GSTCD: variants seen among roughly 807,000 people sequenced by gnomAD.
GSTCD encodes the protein glutathione S-transferase C-terminal domain containing, also known as glutathione S-transferase C-terminal domain-containing protein.
A neutral mutation model predicts 68.3 loss-of-function variants in GSTCD; 44 were observed. The ratio of observed to expected loss-of-function variants is 0.64; its 90% CI spans 0.51 to 0.83. The LOEUF is 0.83. Among genes scored for constraint, GSTCD ranks in the 40% least tolerant of loss-of-function variants. The probability of loss-of-function intolerance (pLI) is 0.00; values close to 1 mark genes in which losing one functional copy is unlikely to be tolerated. For missense variants in GSTCD, 739 were observed against 735.9 expected, an observed-to-expected ratio of 1.00 and a Z score of -0.05; for synonymous variants, 273 against 255.2, an observed-to-expected ratio of 1.07 and a Z score of -0.67.
chr4:105,732,886 T>G (rs907434946), intron 5 of GSTCD, among the ~76,000 whole-genome samples: 16 of 152,216 alleles, frequency 1.1e-4, no homozygotes, highest in Non-Finnish European at 2.1e-4. Flanking sequence ...TTCTGTTATG[T>G]TGTGTCTTTG....
chr4:105,721,056 C>T (rs1373441038), intron 3 of GSTCD, among the ~76,000 whole-genome samples: 1 of 151,836 alleles, frequency 6.6e-6, no homozygotes, highest in Non-Finnish European at 1.5e-5. Context: ...ACTGCAACCT[C>T]CGCTTCCTGG....
intron 5 of GSTCD, among the ~76,000 whole-genome samples, chr4:105,796,429 C>T (rs1271605210): frequency 1.3e-5 from 2 of 152,146 alleles, no homozygotes; most frequent in Non-Finnish European, 2.9e-5. Context: ...TGTTGATATT[C>T]ACTCTTATTT....
Position 105,717,995 on chromosome 4 carries a change from G to C in GSTCD, c.382G>C (p.Glu128Gln). The change falls in exon 2 of 12, where the codon GAA (glutamate) becomes CAA (glutamine). Residue 128 changes from glutamate (E) to glutamine (Q), a missense_variant. Glu to Gln is a conservative substitution (Grantham distance 29, BLOSUM62 2). Transcript: ENST00000515279. Reference protein sequence around the residue: ...EADPLKKELLELLGFKKTCLK... With the variant: ...EADPLKKELLQLLGFKKTCLK... Reference sequence around the variant, plus strand: ...AGACCCCTTAAAGAAGGAACTTTTGGAACTTCTGGGCTTTAAAAAGACTTG... The same window carrying C: ...AGACCCCTTAAAGAAGGAACTTTTGCAACTTCTGGGCTTTAAAAAGACTTG... The C allele has an allele frequency of 6.2e-7, 1 of 1,612,552 alleles. No individual in the cohort carries two copies. Among genetic ancestry groups the C allele is most frequent in the Non-Finnish European group, 8.5e-7 (1 of 1,179,474 alleles).
At chr4:105,797,178 GTAGT>G (rs950992471) in intron 5 of GSTCD, among the ~76,000 whole-genome samples, 22 of 151,804 alleles carry the variant, frequency 1.4e-4, no homozygotes, top group African/African-American at 5.1e-4. Context: ...ATCATGTTAG[GTAGT>G]TAGTTAATTT....
Position 105,723,628 on chromosome 4 carries a change from C to T in GSTCD, c.895-2951C>T, listed in dbSNP as rs111384771. 3.3e-3 allele frequency among the ~76,000 whole-genome samples: 496 copies of T among 151,636 alleles called. 2 individuals are homozygous for T. Among genetic ancestry groups the T allele is most frequent in the African/African-American group, 0.011 (452 of 41,416 alleles). ...TGGGTTTCTGATACAGGTCTTGGAA[C>T]CAATCCTCCATGGATACTGAGGGAC... On this transcript the variant is annotated intron_variant, in intron 3 of 11. Transcript: ENST00000515279.
intron 10 of GSTCD, chr4:105,840,082 C>A: frequency 2.6e-6 from 1 of 380,980 alleles, no homozygotes; most frequent in Non-Finnish European, 5.3e-6. Context: ...TGAGTACCTA[C>A]CATGTGCCTT....
At chr4:105,802,956 G>A (rs1438470385) in intron 5 of GSTCD, among the ~76,000 whole-genome samples, 1 of 152,098 alleles carries the variant, frequency 6.6e-6, no homozygotes, top group Non-Finnish European at 1.5e-5. Flanking sequence ...GTGAGTAGAT[G>A]TGAAGGATAA....
intron 5 of GSTCD, among the ~76,000 whole-genome samples, chr4:105,738,244 T>A (rs1159955595): frequency 6.6e-6 from 1 of 152,242 alleles, no homozygotes; most frequent in South Asian, 2.1e-4. Flanking sequence ...TTCCTTGGTC[T>A]ATGTGTCTGT....
intron 4 of GSTCD, among the ~76,000 whole-genome samples, chr4:105,727,107 A>G (rs1308884845): frequency 3.2e-5 from 3 of 92,792 alleles, no homozygotes; most frequent in Non-Finnish European, 4.3e-5. Context: ...TTTTTTTTGT[A>G]TATTCAGGAT....
In GSTCD at chr4:105,819,731, G is replaced by T. The variant is rs569083717; in HGVS notation, c.1241-3223G>T. Among the ~76,000 whole-genome samples, 16 of 151,750 alleles carry T rather than the reference G, an allele frequency of 1.1e-4. No homozygotes were observed. The South Asian group carries it at 3.3e-3, about 32-fold the overall frequency. On this transcript the variant is annotated intron_variant, in intron 5 of 11. Transcript: ENST00000515279. ...TTCAAGGTTCTATTAGTGCCACCTTGTCTATTCAATTGTCTTATACCTTCT... is the reference window on the plus strand; with the variant it reads ...TTCAAGGTTCTATTAGTGCCACCTTTTCTATTCAATTGTCTTATACCTTCT...
chr4:105,726,267 G>GA (rs1733029997), intron 3 of GSTCD, among the ~76,000 whole-genome samples: 1 of 152,064 alleles, frequency 6.6e-6, no homozygotes, highest in South Asian at 2.1e-4. Context: ...AGTGATAGAA[G>GA]AAAACCACAT....
intron 1 of GSTCD, chr4:105,711,164 A>G (rs1332878942): frequency 4.6e-5 from 7 of 152,222 alleles, no homozygotes; most frequent in African/African-American, 1.7e-4. Context: ...TTTTATGAAA[A>G]GCATAAAACA....
chr4:105,842,510 G>A (rs1387489697), intron 11 of GSTCD, among the ~76,000 whole-genome samples: 5 of 152,078 alleles, frequency 3.3e-5, no homozygotes, highest in Non-Finnish European at 5.9e-5. Flanking sequence ...TATACACAGG[G>A]ATGATAATGT....
intron 1 of GSTCD, chr4:105,710,766 A>G (rs1732512851): frequency 6.6e-6 from 1 of 152,176 alleles, no homozygotes; most frequent in Non-Finnish European, 1.5e-5. Context: ...GATCACTGTT[A>G]ATTATGAGGT....
rs147454455 is a variant in GSTCD, at chr4:105,719,438, G to A, written c.805G>A (p.Asp269Asn). 1.4e-4 allele frequency: 222 copies of A among 1,614,004 alleles called. No homozygotes were observed. Among genetic ancestry groups the A allele is most frequent in the African/African-American group, 1.2e-3 (93 of 75,016 alleles). Reference protein sequence around the residue: ...PSHIRKAKASDLPPLEHVFAE... With the variant: ...PSHIRKAKASNLPPLEHVFAE... ...TCACATCAGAAAAGCAAAAGCCTCC[G>A]ACCTTCCACCTCTGGAGCATGTGTT... The change falls in exon 3 of 12, where the codon GAC (aspartate) becomes AAC (asparagine). Residue 269 changes from aspartate to asparagine, a missense_variant. Asp to Asn is a conservative substitution (Grantham distance 23, BLOSUM62 1). Transcript: ENST00000515279.
In GSTCD at chr4:105,771,799, A is replaced by G. The variant is rs149152715; in HGVS notation, c.1240+42300A>G. Among the ~76,000 whole-genome samples the G allele has an allele frequency of 8.6e-3, 1,304 of 152,330 alleles. 17 individuals carry two copies. The highest frequency in any genetic ancestry group is 0.029 in the African/African-American group (1,206 of 41,572). On this transcript the variant is annotated intron_variant, in intron 5 of 11. Coordinates refer to ENST00000515279, the MANE Select transcript of GSTCD (RefSeq NM_001370181.1). ...CTTGTAGTATAGTCTGAAGTCAGGT[A>G]GCATGATGCCTCCAGATTTGTTCGT...
At chr4:105,769,782 G>A (rs1384978369) in intron 5 of GSTCD, among the ~76,000 whole-genome samples, 1 of 151,836 alleles carries the variant, frequency 6.6e-6, no homozygotes, top group Non-Finnish European at 1.5e-5. Flanking sequence ...TTGAGACAAG[G>A]CCTCACTCTG....
chr4:105,719,051 G>T lies in GSTCD; in HGVS notation c.427-9G>T. ...TCTTTTCATTTCTTGTTTTGTTTTT[G>T]TTTTGTAGGTTAGTCAGTGGACCAG... On this transcript the variant is annotated splice_polypyrimidine_tract_variant and intron_variant, in intron 2 of 11. Coordinates refer to ENST00000515279, the MANE Select transcript of GSTCD (RefSeq NM_001370181.1). 6.4e-7 allele frequency: 1 copy of T among 1,562,844 alleles called. No homozygotes were observed. The highest frequency in any genetic ancestry group is 2.1e-5 in the Admixed American group (1 of 48,586).
At chr4:105,810,489 A>G (rs1339424933) in intron 5 of GSTCD, among the ~76,000 whole-genome samples, 3 of 152,096 alleles carry the variant, frequency 2.0e-5, no homozygotes, top group African/African-American at 7.2e-5. Context: ...TGAGGTGTTT[A>G]TATTCTGTTT....
Sources: gnomAD v4.1 joint callset for allele counts (sites outside exome capture counted in the v4.1 genomes callset) on GRCh38, gnomAD v4.1.1 for gene constraint, MANE v1.5 for transcripts, NCBI Gene and HGNC (gene_info 2026-07-23, HGNC 2026-07-21) for gene names.